AKIP1: variants seen among roughly 807,000 people sequenced by gnomAD.
The protein encoded by AKIP1 is A-kinase interacting protein 1, also known as A-kinase-interacting protein 1.
A neutral mutation model predicts 22.3 loss-of-function variants in AKIP1; 18 were observed. That is an observed-to-expected ratio of 0.81 (90% CI 0.56 to 1.19). The LOEUF is 1.19. Ranked by LOEUF, AKIP1 falls within the 50% of genes most tolerant of loss-of-function variation. AKIP1 has a pLI of 0.00. For missense variants in AKIP1, 287 were observed against 264.6 expected (o/e 1.08, Z -0.59); for synonymous variants, 120 against 102.7 (o/e 1.17, Z -1.02).
At chr11:8,915,204 A>C (rs962129246) in intron 4 of AKIP1, among the ~76,000 whole-genome samples, 6 of 152,138 alleles carry the variant, frequency 3.9e-5, no homozygotes, top group African/African-American at 1.4e-4. Context: ...GTTTAAAGAA[A>C]AGAGCTTCCA....
chr11:8,913,901 A>G (rs1232783698), intron 3 of AKIP1, among the ~76,000 whole-genome samples: 1 of 152,238 alleles, frequency 6.6e-6, no homozygotes, highest in Non-Finnish European at 1.5e-5. Context: ...AGCAAAAGGA[A>G]TAATATTTGT....
chr11:8,915,006 T>TA, intron 4 of AKIP1, 76 bp downstream of exon 4: 1 of 1,167,422 alleles, frequency 8.6e-7, no homozygotes, highest in East Asian at 2.4e-5. Flanking sequence ...GAGCCCCTGC[T>TA]AGACTTTGTG....
chr11:8,917,626 A>C, intron 5 of AKIP1: 1 of 517,274 alleles, frequency 1.9e-6, no homozygotes, highest in Non-Finnish European at 3.5e-6. Context: ...TGAAGTATTC[A>C]CCTCTCAGTT....
chr11:8,911,422 T>C, intron 1 of AKIP1, 22 bp from the exon 2 acceptor site: 1 of 1,552,366 alleles, frequency 6.4e-7, no homozygotes, highest in Non-Finnish European at 8.7e-7. Flanking sequence ...CGCCGGCGTT[T>C]GTACGTTGTG....
Position 8,911,649 on chromosome 11 carries a change from C to A in AKIP1, c.200C>A (p.Pro67Gln). ...CTAGAGAAACAGCCGGCAGCCGGCC[C>A]GCAGCGCGTTCTCCCGGGAGAGGTG... Reference protein sequence around the residue: ...PHLEKQPAAGPQRVLPGEREE... With the variant: ...PHLEKQPAAGQQRVLPGEREE... The change falls in exon 2 of 6, where the codon CCG (proline) becomes CAG (glutamine). Residue 67 changes from proline to glutamine, a missense_variant. Coordinates refer to ENST00000309377, the MANE Select transcript of AKIP1 (RefSeq NM_020642.4). 1.3e-6 allele frequency: 2 copies of A among 1,570,942 alleles called. No homozygotes were observed. Among genetic ancestry groups the A allele is most frequent in the Admixed American group, 1.9e-5 (1 of 53,160 alleles).
intron 5 of AKIP1, 115 bp downstream of exon 5, chr11:8,917,482 A>G: frequency 1.2e-6 from 1 of 832,850 alleles, no homozygotes; most frequent in Non-Finnish European, 2.0e-6. Flanking sequence ...TTAAGTTGAG[A>G]TGTTCTTACA....
intron 3 of AKIP1, among the ~76,000 whole-genome samples, chr11:8,913,126 G>A (rs1461148583): frequency 1.3e-5 from 2 of 149,688 alleles, no homozygotes; most frequent in African/African-American, 4.9e-5. Flanking sequence ...TGATCCGCCC[G>A]CCTCAGCCTC....
rs1456948351 is a variant in AKIP1, at chr11:8,911,435, C to A, written c.-6-9C>A. On this transcript the variant is annotated splice_polypyrimidine_tract_variant and intron_variant, in intron 1 of 5. Transcript: ENST00000309377. ...CCCGCCGGCGTTTGTACGTTGTGTG[C>A]CCACTCAGGGAGCCATGGACAACTG... is the stretch of plus-strand genomic sequence containing the variant. The A allele has an allele frequency of 1.3e-6, 2 of 1,571,502 alleles. No homozygotes were observed. The highest frequency in any genetic ancestry group is 4.6e-5 in the East Asian group (2 of 43,104).
intron 2 of AKIP1, 41 bp downstream of exon 2, chr11:8,911,712 C>A (rs1310423838): frequency 6.9e-7 from 1 of 1,456,778 alleles, no homozygotes; most frequent in East Asian, 2.4e-5. Context: ...GTCCTTCGCG[C>A]CGCGGTAGCC....
intron 2 of AKIP1, 103 bp downstream of exon 2, chr11:8,911,774 T>C: frequency 8.7e-7 from 1 of 1,148,562 alleles, no homozygotes. Context: ...AACCTTCCCT[T>C]AGCGGAAGCT....
chr11:8,912,622 T>C, intron 3 of AKIP1, 89 bp downstream of exon 3: 2 of 1,164,248 alleles, frequency 1.7e-6, no homozygotes, highest in South Asian at 1.3e-5. Context: ...ATCTGGACAC[T>C]ACCTGTTTCT....
rs1323072781 is a variant in AKIP1, at chr11:8,912,904, T to C, written c.303+371T>C. On this transcript the variant is annotated intron_variant, in intron 3 of 5. Transcript: ENST00000309377. ...TTTTTTTTTTTTTTGAGACAGAGGC[T>C]TGCTCTGTGGCACAGGCTGGAGTGC... Among the ~76,000 whole-genome samples, 7 of 105,944 alleles carry C rather than the reference T, an allele frequency of 6.6e-5. No individual in the cohort carries two copies. The South Asian group carries it at 1.7e-3, about 26-fold the overall frequency. The allele number at this position is 105,944 out of a possible 152,430, so 69.5% of individuals were successfully genotyped here.
At chr11:8,914,980 G>T in intron 4 of AKIP1, 50 bp downstream of exon 4, 1 of 1,428,584 alleles carries the variant, frequency 7.0e-7, no homozygotes, top group South Asian at 1.2e-5. Context: ...ACCAAGATAT[G>T]ACACCCTATA....
intron 5 of AKIP1, chr11:8,918,035 A>G (rs1377018396): frequency 1.3e-5 from 2 of 152,264 alleles, no homozygotes; most frequent in Non-Finnish European, 2.9e-5. Context: ...ACAATTAAGA[A>G]TATTCTGCTT....
intron 4 of AKIP1, among the ~76,000 whole-genome samples, chr11:8,915,475 C>T (rs887691789): frequency 6.6e-6 from 1 of 150,940 alleles, no homozygotes; most frequent in African/African-American, 2.4e-5. Flanking sequence ...GATCCTCCCA[C>T]CTGAACCTCC....
At chr11:8,919,082 C>A (rs963080984) in intron 5 of AKIP1, among the ~76,000 whole-genome samples, 1 of 152,196 alleles carries the variant, frequency 6.6e-6, no homozygotes, top group Admixed American at 6.5e-5. Context: ...TCATATAACA[C>A]TTTAGCATTT....
At chr11:8,912,871 C>CTATTT (rs2064413738) in intron 3 of AKIP1, among the ~76,000 whole-genome samples, 1 of 92,950 alleles carries the variant, frequency 1.1e-5, no homozygotes, top group African/African-American at 4.2e-5. Context: ...TTTTTTTTAA[C>CTATTT]TTTTTTTTTT....
chr11:8,914,586 T>C (rs2040152257), intron 3 of AKIP1, among the ~76,000 whole-genome samples: 1 of 152,200 alleles, frequency 6.6e-6, no homozygotes, highest in African/African-American at 2.4e-5. Flanking sequence ...TTAGCCAGCG[T>C]TCTTGCCCTA....
intron 5 of AKIP1, 132 bp downstream of exon 5, chr11:8,917,499 A>T: frequency 1.4e-6 from 1 of 731,960 alleles, no homozygotes; most frequent in South Asian, 1.6e-5. Flanking sequence ...TACACTTAAG[A>T]AGGGCACACA....
Sources: gnomAD v4.1 joint callset for allele counts (sites outside exome capture counted in the v4.1 genomes callset) on GRCh38, gnomAD v4.1.1 for gene constraint, MANE v1.5 for transcripts, NCBI Gene and HGNC (gene_info 2026-07-23, HGNC 2026-07-21) for gene names.